CYP4X1: variants seen among roughly 807,000 people sequenced by gnomAD.
The protein encoded by CYP4X1 is cytochrome P450 4X1.
CYP4X1 carries 44 observed loss-of-function variants against 57.9 expected under a neutral mutation model. That is an observed-to-expected ratio of 0.76 (90% CI 0.60 to 0.98). The LOEUF is 0.98. Among genes scored for constraint, CYP4X1 ranks in the 50% least tolerant of loss-of-function variants. CYP4X1 has a pLI of 0.00. For synonymous variants in CYP4X1, 227 were observed against 228.6 expected, an observed-to-expected ratio of 0.99 and a Z score of 0.06; for missense variants, 532 against 623.9, an observed-to-expected ratio of 0.85 and a Z score of 1.57.
At chr1:46,981,316 G>A in the CYP4X1 span, among the ~76,000 whole-genome samples, 2 of 152,080 alleles carry the variant, frequency 1.3e-5, no homozygotes, top group African/African-American at 4.8e-5. Flanking sequence ...CAAAAAGTGG[G>A]CAAAGGATAT....
chr1:47,036,388 A>ATATATATATATATATATATATATG (rs1253688074), intron 6 of CYP4X1, among the ~76,000 whole-genome samples: 3 of 147,726 alleles, frequency 2.0e-5, no homozygotes, highest in Non-Finnish European at 4.5e-5. Context: ...ATATATATAC[A>ATATATATATATATATATATATATG]CTATTTTTAT....
At chr1:46,987,601 G>A in the CYP4X1 span, among the ~76,000 whole-genome samples, 2 of 152,054 alleles carry the variant, frequency 1.3e-5, no homozygotes, top group African/African-American at 4.8e-5. Flanking sequence ...GCACCACATT[G>A]CACTTATTCT....
chr1:46,977,859 C>G, the CYP4X1 span, among the ~76,000 whole-genome samples: 1 of 152,062 alleles, frequency 6.6e-6, no homozygotes, highest in Non-Finnish European at 1.5e-5. Flanking sequence ...CCCAGAATTT[C>G]ATATCCAGCC....
At chr1:47,016,043 C>G in the CYP4X1 span, among the ~76,000 whole-genome samples, 1 of 152,086 alleles carries the variant, frequency 6.6e-6, no homozygotes, top group Non-Finnish European at 1.5e-5. Context: ...AAATTCTTGA[C>G]CTGGGATATC....
rs555598515 is a variant in CYP4X1 at position 47,050,280 on chromosome 1, G to A, written c.*106G>A. 15 of 1,348,384 alleles carry A rather than the reference G, an allele frequency of 1.1e-5. No individual in the cohort carries two copies. In the African/African-American group the frequency reaches 2.0e-4, roughly 18 times the overall value. 83.5% of individuals were successfully genotyped at this position (1,348,384 alleles called of 1,614,324 possible). ...TCAATGTATGGTGGGAGGATTGGAG[G>A]TTGGTGGGATAGGGGTCTCTGTGAA... On this transcript the variant is annotated 3_prime_UTR_variant, in exon 12 of 12. Coordinates refer to ENST00000371901, the MANE Select transcript of CYP4X1 (RefSeq NM_178033.2).
At chr1:46,973,251 C>A in the CYP4X1 span, among the ~76,000 whole-genome samples, 1 of 152,076 alleles carries the variant, frequency 6.6e-6, no homozygotes, top group South Asian at 2.1e-4. Flanking sequence ...ATGTATTGAA[C>A]CACTCTTGCA....
At chr1:47,046,434 T>C (rs747925371) in intron 8 of CYP4X1, 33 bp from the exon 9 acceptor site, 4 of 1,612,184 alleles carry the variant, frequency 2.5e-6, no homozygotes, top group Non-Finnish European at 2.5e-6. Context: ...CTGGTTATGA[T>C]ATCTGAGTCC....
upstream of CYP4X1, among the ~76,000 whole-genome samples, chr1:47,020,510 T>C (rs1643984550): frequency 6.6e-6 from 1 of 152,202 alleles, no homozygotes; most frequent in Non-Finnish European, 1.5e-5. Flanking sequence ...CAGCATCACT[T>C]TCTGTGATAG....
chr1:46,998,121 G>A, the CYP4X1 span, among the ~76,000 whole-genome samples: 1 of 152,052 alleles, frequency 6.6e-6, no homozygotes, highest in Non-Finnish European at 1.5e-5. Flanking sequence ...ATAAAGTGAA[G>A]ATTAGTGGTT....
the CYP4X1 span, among the ~76,000 whole-genome samples, chr1:46,981,435 C>G: frequency 7.9e-5 from 12 of 152,106 alleles, no homozygotes; most frequent in Non-Finnish European, 1.5e-4. Flanking sequence ...CAATGAGATA[C>G]CATCTCACAC....
At chr1:47,019,239 G>A (rs1643972068), upstream of CYP4X1, among the ~76,000 whole-genome samples, 1 of 152,142 alleles carries the variant, frequency 6.6e-6, no homozygotes, top group East Asian at 1.9e-4. Flanking sequence ...ATGGGCCCAG[G>A]TGCTGCGGTG....
At chr1:47,037,624 A>G (rs914588740) in intron 6 of CYP4X1, among the ~76,000 whole-genome samples, 1 of 152,130 alleles carries the variant, frequency 6.6e-6, no homozygotes, top group Non-Finnish European at 1.5e-5. Flanking sequence ...GTTTAGCTAC[A>G]TCCCTGACAT....
At chr1:47,049,583 C>G in intron 11 of CYP4X1, 79 bp downstream of exon 11, 5 of 1,252,270 alleles carry the variant, frequency 4.0e-6, no homozygotes, top group South Asian at 3.6e-5. Flanking sequence ...CTCCTCAGCT[C>G]TATACATTCT....
the CYP4X1 span, among the ~76,000 whole-genome samples, chr1:47,004,751 G>T: frequency 6.1e-4 from 93 of 152,324 alleles, no homozygotes; most frequent in Admixed American, 1.0e-3. Context: ...CTGGAAGGAG[G>T]AAGGACTCTT....
chr1:46,961,437 C>A, the CYP4X1 span: 1 of 585,988 alleles, frequency 1.7e-6, no homozygotes, highest in Non-Finnish European at 2.4e-6. Context: ...CTGGGCCCAC[C>A]AGTTTTTCTA....
At chr1:46,978,779 C>T in the CYP4X1 span, among the ~76,000 whole-genome samples, 1 of 152,172 alleles carries the variant, frequency 6.6e-6, no homozygotes, top group Non-Finnish European at 1.5e-5. Context: ...AATTGTCTCT[C>T]AGACCACAGT....
At chr1:46,978,951 G>C in the CYP4X1 span, among the ~76,000 whole-genome samples, 1 of 152,146 alleles carries the variant, frequency 6.6e-6, no homozygotes, top group Non-Finnish European at 1.5e-5. Flanking sequence ...CAACATACCA[G>C]AATCTCTGGG....
the CYP4X1 span, among the ~76,000 whole-genome samples, chr1:46,971,091 C>T: frequency 6.6e-6 from 1 of 152,160 alleles, no homozygotes; most frequent in Non-Finnish European, 1.5e-5. Flanking sequence ...CACTCTCCAC[C>T]CTCAAGTAGG....
intron 6 of CYP4X1, among the ~76,000 whole-genome samples, chr1:47,036,883 A>G (rs555177055): frequency 6.6e-6 from 1 of 152,330 alleles, no homozygotes; most frequent in South Asian, 2.1e-4. Flanking sequence ...TTAAATGTAA[A>G]GTATAGTTAT....
Sources: allele counts gnomAD v4.1 joint callset (sites outside exome capture counted in the v4.1 genomes callset), GRCh38; gene constraint gnomAD v4.1.1; transcripts MANE v1.5; gene names NCBI Gene and HGNC (gene_info 2026-07-23, HGNC 2026-07-21).